THSD7B: variants seen among roughly 807,000 people sequenced by gnomAD.
The protein encoded by THSD7B is thrombospondin type 1 domain containing 7B.
In THSD7B, 138 loss-of-function variants were observed where a neutral mutation model predicts 213.6. The ratio of observed to expected loss-of-function variants is 0.65; its 90% CI spans 0.56 to 0.74. THSD7B has a LOEUF of 0.74. Among genes scored for constraint, THSD7B ranks in the 30% least tolerant of loss-of-function variants. The pLI is 0.00. For synonymous variants in THSD7B, 742 were observed against 687.0 expected (o/e 1.08, Z -1.25); for missense variants, 1,931 against 1,991.5 (o/e 0.97, Z 0.58).
At chr2:137,336,362 G>A (rs1013637966) in intron 12 of THSD7B, among the ~76,000 whole-genome samples, 8 of 152,106 alleles carry the variant, frequency 5.3e-5, no homozygotes, top group African/African-American at 1.7e-4. Flanking sequence ...CTGAGCTCAC[G>A]TAAGTTGAGT....
chr2:137,300,104 G>A (rs571695262), intron 12 of THSD7B, among the ~76,000 whole-genome samples: 31 of 152,160 alleles, frequency 2.0e-4, no homozygotes, highest in Non-Finnish European at 4.0e-4. Flanking sequence ...AAATGGAATT[G>A]TTCCTCTACA....
At chr2:137,067,077 A>G (rs1464131547) in intron 3 of THSD7B, among the ~76,000 whole-genome samples, 2 of 152,036 alleles carry the variant, frequency 1.3e-5, no homozygotes, top group African/African-American at 2.4e-5. Flanking sequence ...TACAATACCC[A>G]TTTGTTCTTG....
In THSD7B at chr2:137,035,568, T is replaced by G. The variant is rs954021744; in HGVS notation, c.140-20852T>G. Among the ~76,000 whole-genome samples the G allele has an allele frequency of 3.3e-5, 5 of 151,994 alleles. No individual in the cohort carries two copies. In the South Asian group the frequency reaches 6.2e-4, roughly 19 times the overall value. ...AGTGTTTCTGTTTTGTTTTGTTTTT[T>G]TTTTTAAACCATTCTATCCTGAGAT... On this transcript the variant is annotated intron_variant, in intron 2 of 27. Transcript: ENST00000409968.
chr2:136,800,233 AC>A, intron 1 of THSD7B, among the ~76,000 whole-genome samples: 1 of 152,010 alleles, frequency 6.6e-6, no homozygotes, highest in East Asian at 1.9e-4. Context: ...CAAATTTTGT[AC>A]AGTCATTATA....
intron 3 of THSD7B, among the ~76,000 whole-genome samples, chr2:137,066,359 T>C (rs1356097556): frequency 6.6e-6 from 1 of 151,704 alleles, no homozygotes; most frequent in Non-Finnish European, 1.5e-5. Context: ...GTCTGGCTAA[T>C]TTTTTTGTAT....
At chr2:136,862,296 C>A (rs1290667820) in intron 1 of THSD7B, among the ~76,000 whole-genome samples, 1 of 152,072 alleles carries the variant, frequency 6.6e-6, no homozygotes, top group East Asian at 1.9e-4. Flanking sequence ...TCCTCCAGGC[C>A]CTGAGAGTTG....
intron 21 of THSD7B, among the ~76,000 whole-genome samples, chr2:137,649,691 C>T (rs907143350): frequency 6.6e-6 from 1 of 152,102 alleles, no homozygotes; most frequent in South Asian, 2.1e-4. Context: ...GTTTTTATGC[C>T]AGTGCCATGC....
rs1049602007 is a variant in THSD7B, at chr2:136,870,050, C to T, written c.-35-12094C>T. Among the ~76,000 whole-genome samples the T allele has an allele frequency of 3.2e-5, 4 of 124,778 alleles. No individual in the cohort carries two copies. In the East Asian group the frequency reaches 7.1e-4, roughly 22 times the overall value. The allele number at this position is 124,778 out of a possible 152,430, so 81.9% of individuals were successfully genotyped here. A position where few individuals can be genotyped will look rare whatever the true frequency, so the allele number is the denominator to read the frequency against. On this transcript the variant is annotated intron_variant, in intron 1 of 27. Coordinates refer to ENST00000409968, the MANE Select transcript of THSD7B (RefSeq NM_001316349.2). Reference sequence around the variant, plus strand: ...TCACACCACTGCACTCCGGGCTGGGCGAAAGAGCGAGACTCCGTCTCAAAA... The same window carrying T: ...TCACACCACTGCACTCCGGGCTGGGTGAAAGAGCGAGACTCCGTCTCAAAA...
intron 2 of THSD7B, among the ~76,000 whole-genome samples, chr2:137,020,616 A>G (rs1195834394): frequency 6.6e-6 from 1 of 152,110 alleles, no homozygotes; most frequent in Non-Finnish European, 1.5e-5. Context: ...TACCCTGCAC[A>G]TCCCTCCCCA....
intron 5 of THSD7B, among the ~76,000 whole-genome samples, chr2:137,133,518 C>G (rs1688779066): frequency 6.6e-6 from 1 of 151,558 alleles, no homozygotes; most frequent in Non-Finnish European, 1.5e-5. Flanking sequence ...AATGCTGGTT[C>G]TGAGTAAATA....
chr2:137,442,433 A>G (rs889866030), intron 14 of THSD7B, among the ~76,000 whole-genome samples: 1 of 152,008 alleles, frequency 6.6e-6, no homozygotes, highest in Non-Finnish European at 1.5e-5. Flanking sequence ...TGCAGAAACA[A>G]ACAGAACAGA....
chr2:137,245,589 T>A (rs1294697600), intron 10 of THSD7B, among the ~76,000 whole-genome samples: 1 of 152,158 alleles, frequency 6.6e-6, no homozygotes, highest in Admixed American at 6.5e-5. Context: ...ATCCTATTCA[T>A]CCCCTTAAAT....
At chr2:136,848,544 C>G (rs1055475361) in intron 1 of THSD7B, among the ~76,000 whole-genome samples, 1 of 152,010 alleles carries the variant, frequency 6.6e-6, no homozygotes, top group Non-Finnish European at 1.5e-5. Context: ...AATAATTTTT[C>G]AAGAAATAGC....
intron 1 of THSD7B, among the ~76,000 whole-genome samples, chr2:136,878,627 G>T (rs1483150418): frequency 2.0e-5 from 3 of 151,990 alleles, no homozygotes; most frequent in Non-Finnish European, 4.4e-5. Flanking sequence ...GTGTGAGATG[G>T]TATCTCATTG....
intron 12 of THSD7B, among the ~76,000 whole-genome samples, chr2:137,303,592 T>C (rs1179964372): frequency 6.7e-6 from 1 of 149,182 alleles, no homozygotes; most frequent in South Asian, 2.1e-4. Flanking sequence ...AATTGCATGA[T>C]TCTTTTTTTA....
At chr2:137,397,068 G>A (rs1574004675) in intron 12 of THSD7B, among the ~76,000 whole-genome samples, 1 of 147,102 alleles carries the variant, frequency 6.8e-6, no homozygotes, top group Non-Finnish European at 1.5e-5. Context: ...CTCTGCACGT[G>A]AGATGGGTTT....
intron 5 of THSD7B, among the ~76,000 whole-genome samples, chr2:137,123,485 A>T (rs1417693705): frequency 6.6e-6 from 1 of 152,170 alleles, no homozygotes; most frequent in Non-Finnish European, 1.5e-5. Context: ...ATAACATGCC[A>T]CACAGCATTC....
intron 7 of THSD7B, among the ~76,000 whole-genome samples, chr2:137,173,869 G>A (rs562452815): frequency 6.6e-6 from 1 of 152,288 alleles, no homozygotes; most frequent in African/African-American, 2.4e-5. Flanking sequence ...AACTACAGGA[G>A]TTGACAGAAC....
chr2:137,020,814 T>C lies in THSD7B; in HGVS notation c.140-35606T>C, dbSNP rs556821396. ...TTGTATTGTGAATGGGGGCCACCAC[T>C]GCTCATTATCATACTAAATTCCATT... On this transcript the variant is annotated intron_variant, in intron 2 of 27. Coordinates refer to ENST00000409968, the MANE Select transcript of THSD7B (RefSeq NM_001316349.2). 3.9e-5 allele frequency among the ~76,000 whole-genome samples: 6 copies of C among 152,330 alleles called. No homozygotes were observed. The East Asian group carries it at 5.8e-4, about 15-fold the overall frequency.
Sources: gnomAD v4.1 joint callset for allele counts (sites outside exome capture counted in the v4.1 genomes callset) on GRCh38, gnomAD v4.1.1 for gene constraint, MANE v1.5 for transcripts, NCBI Gene and HGNC (gene_info 2026-07-23, HGNC 2026-07-21) for gene names.